The following CGNL1 variants were observed in gnomAD, a reference collection of about 807,000 sequenced individuals.
CGNL1 encodes cingulin-like protein 1.
A neutral mutation model predicts 141.2 loss-of-function variants in CGNL1; 132 were observed. That is an observed-to-expected ratio of 0.93 (90% CI 0.81 to 1.08). The LOEUF (loss-of-function observed/expected upper bound fraction) is 1.08, where lower values mean the gene tolerates loss of function less well. CGNL1 is among the 50% of genes least tolerant of loss of function. The pLI, the probability that CGNL1 is intolerant of heterozygous loss-of-function variation, is 0.00. For synonymous variants in CGNL1, 690 were observed against 622.1 expected, an observed-to-expected ratio of 1.11 and a Z score of -1.63; for missense variants, 1,870 against 1,588.6, an observed-to-expected ratio of 1.18 and a Z score of -3.01.
At chr15:57,390,162 T>C (rs1467714066) in intron 1 of CGNL1, among the ~76,000 whole-genome samples, 2 of 152,208 alleles carry the variant, frequency 1.3e-5, no homozygotes, top group Non-Finnish European at 2.9e-5. Context: ...TTCCCCTCGC[T>C]CAGCTGTTGG....
chr15:57,442,989 T>C (rs1371932205), intron 4 of CGNL1, among the ~76,000 whole-genome samples: 3 of 152,186 alleles, frequency 2.0e-5, no homozygotes, highest in Non-Finnish European at 4.4e-5. Context: ...AACAGGATGA[T>C]ACAAACAGAT....
At chr15:57,387,638 C>T (rs76873922) in intron 1 of CGNL1, among the ~76,000 whole-genome samples, 1 of 152,308 alleles carries the variant, frequency 6.6e-6, no homozygotes, top group East Asian at 1.9e-4. Context: ...TGGAAAACAC[C>T]ACCAGGCCCC....
intron 14 of CGNL1, among the ~76,000 whole-genome samples, chr15:57,541,594 T>C (rs551484986): frequency 1.8e-4 from 28 of 152,352 alleles, no homozygotes; most frequent in African/African-American, 6.7e-4. Flanking sequence ...CTGGCATTTT[T>C]CCCTTCTCTA....
chr15:57,536,037 G>T (rs1298082078), intron 14 of CGNL1, among the ~76,000 whole-genome samples: 1 of 152,214 alleles, frequency 6.6e-6, no homozygotes, highest in Non-Finnish European at 1.5e-5. Flanking sequence ...GAGGAAAGAG[G>T]TTTAATGGAC....
Position 57,545,630 on chromosome 15 carries a change from A to C in CGNL1, c.3539A>C (p.Glu1180Ala). 1 of 1,613,658 alleles carries C rather than the reference A, an allele frequency of 6.2e-7. No individual in the cohort carries two copies. The highest frequency in any genetic ancestry group is 8.5e-7 in the Non-Finnish European group (1 of 1,179,932). Residue 1180 changes from glutamate to alanine, a missense_variant, in exon 17 of 19, where the codon GAG becomes GCG. By Grantham distance (107) the Glu-to-Ala change is moderately radical. Transcript: ENST00000281282. The part of the protein sequence containing the change: ...ANLQLSNRRL[E>A]RKVKELVMQV... The stretch of plus-strand genomic sequence containing the variant: ...CTTCAGCTCAGCAACCGGCGGCTGG[A>C]GCGGAAAGTGAAGGAGCTGGTGATG...
intron 8 of CGNL1, among the ~76,000 whole-genome samples, chr15:57,486,834 C>T (rs1016772231): frequency 6.6e-6 from 1 of 152,206 alleles, no homozygotes; most frequent in African/African-American, 2.4e-5. Context: ...TTGGGCCCAA[C>T]AGCTGCTTGC....
intron 8 of CGNL1, among the ~76,000 whole-genome samples, chr15:57,465,645 C>T (rs2063502831): frequency 6.9e-6 from 1 of 144,482 alleles, no homozygotes; most frequent in Admixed American, 6.8e-5. Context: ...TCAGCTTCAA[C>T]CTCCCCAAAA....
chr15:57,440,582 G>T (rs2063174288), intron 3 of CGNL1, 111 bp downstream of exon 3: 1 of 814,310 alleles, frequency 1.2e-6, no homozygotes, highest in South Asian at 1.6e-5. Flanking sequence ...TGTGCCAGCC[G>T]TTGGAGGGTT....
At chr15:57,427,449 T>C (rs1362083076) in intron 1 of CGNL1, among the ~76,000 whole-genome samples, 1 of 152,178 alleles carries the variant, frequency 6.6e-6, no homozygotes, top group Non-Finnish European at 1.5e-5. Flanking sequence ...CTGGGTTGGT[T>C]TGTGAATCGA....
At chr15:57,395,102 C>G (rs1295433511) in intron 1 of CGNL1, among the ~76,000 whole-genome samples, 1 of 152,206 alleles carries the variant, frequency 6.6e-6, no homozygotes, top group Non-Finnish European at 1.5e-5. Context: ...CAGAGTGAGA[C>G]TCCGTCTCAA....
rs536962622 is a variant in CGNL1 at position 57,452,823 on chromosome 15, C to T, written c.2054+534C>T. 4.6e-5 allele frequency among the ~76,000 whole-genome samples: 7 copies of T among 152,268 alleles called. No individual in the cohort carries two copies. In the South Asian group the frequency reaches 1.2e-3, roughly 27 times the overall value. On this transcript the variant is annotated intron_variant, in intron 6 of 18. Coordinates refer to ENST00000281282, the MANE Select transcript of CGNL1 (RefSeq NM_032866.5). ...TCGAAAACCAAGGTCTAAGAATAAACAGTGCTATGACGTTCTGTGGACACG... is the reference window on the plus strand; with the variant it reads ...TCGAAAACCAAGGTCTAAGAATAAATAGTGCTATGACGTTCTGTGGACACG...
intron 1 of CGNL1, among the ~76,000 whole-genome samples, chr15:57,403,381 C>A (rs575173288): frequency 6.6e-6 from 1 of 152,296 alleles, no homozygotes; most frequent in South Asian, 2.1e-4. Context: ...CCTTTCCCCC[C>A]AACAACATTA....
intron 13 of CGNL1, among the ~76,000 whole-genome samples, 195 bp from the exon 14 acceptor site, chr15:57,531,495 C>T (rs537865897): frequency 6.6e-6 from 1 of 152,306 alleles, no homozygotes; most frequent in East Asian, 1.9e-4. Flanking sequence ...ACACATTTTA[C>T]ATTACAAGTC....
chr15:57,440,596 A>C, intron 3 of CGNL1, 125 bp downstream of exon 3: 3 of 731,148 alleles, frequency 4.1e-6, no homozygotes, highest in Non-Finnish European at 7.0e-6. Context: ...GAGGGTTAAA[A>C]CTCAATGGCT....
intron 1 of CGNL1, among the ~76,000 whole-genome samples, chr15:57,396,123 T>C (rs1231650675): frequency 2.6e-5 from 4 of 152,204 alleles, no homozygotes; most frequent in African/African-American, 7.2e-5. Context: ...TAGCGATAAT[T>C]TGTTTTTCCT....
At chr15:57,543,551 C>G in intron 14 of CGNL1, 145 bp from the exon 15 acceptor site, 1 of 679,692 alleles carries the variant, frequency 1.5e-6, no homozygotes, top group Non-Finnish European at 2.6e-6. Flanking sequence ...AGATCCCGTA[C>G]CCCAGAGCAG....
intron 8 of CGNL1, among the ~76,000 whole-genome samples, chr15:57,493,450 G>A (rs1019878006): frequency 7.9e-5 from 12 of 152,098 alleles, no homozygotes; most frequent in African/African-American, 2.4e-4. Context: ...AAGACTGTAC[G>A]TGACCCAAAG....
intron 10 of CGNL1, among the ~76,000 whole-genome samples, chr15:57,519,312 C>T (rs1192363527): frequency 2.0e-5 from 3 of 152,210 alleles, no homozygotes; most frequent in East Asian, 1.9e-4. Flanking sequence ...TTTTCCATTC[C>T]GGACCCACTT....
intron 7 of CGNL1, among the ~76,000 whole-genome samples, chr15:57,458,483 TA>T (rs1396034700): frequency 1.3e-5 from 2 of 152,126 alleles, no homozygotes; most frequent in Non-Finnish European, 2.9e-5. Context: ...GAATGGACCA[TA>T]AAAACCTCAG....
Sources: gnomAD v4.1 joint callset for allele counts (sites outside exome capture counted in the v4.1 genomes callset) on GRCh38, gnomAD v4.1.1 for gene constraint, MANE v1.5 for transcripts, NCBI Gene and HGNC (gene_info 2026-07-23, HGNC 2026-07-21) for gene names.